GRB2: variants seen among roughly 807,000 people sequenced by gnomAD.
GRB2 encodes the protein growth factor receptor bound protein 2, also known as growth factor receptor-bound protein 2.
GRB2 carries 2 observed loss-of-function variants against 27.4 expected under a neutral mutation model. The ratio of observed to expected loss-of-function variants is 0.07; its 90% CI spans 0.03 to 0.23. The LOEUF is 0.23. GRB2 is among the 10% of genes least tolerant of loss of function. GRB2 has a pLI of 1.00. For synonymous variants in GRB2, 94 were observed against 99.6 expected (o/e 0.94, Z 0.33); for missense variants, 102 against 282.4 (o/e 0.36, Z 4.58).
chr17:75,354,681 C>T (rs2078719277), intron 2 of GRB2, among the ~76,000 whole-genome samples: 1 of 152,118 alleles, frequency 6.6e-6, no homozygotes, highest in Non-Finnish European at 1.5e-5. Flanking sequence ...TCAAGAATTG[C>T]TGGAAGAGCC....
chr17:75,375,043 G>C (rs1052224716), intron 2 of GRB2, among the ~76,000 whole-genome samples: 2 of 151,904 alleles, frequency 1.3e-5, no homozygotes, highest in South Asian at 2.1e-4. Flanking sequence ...CTGCAGATGT[G>C]TGCCACCACG....
intron 2 of GRB2, among the ~76,000 whole-genome samples, chr17:75,381,126 A>T (rs967366890): frequency 3.9e-5 from 6 of 152,232 alleles, no homozygotes; most frequent in Non-Finnish European, 1.5e-5. Flanking sequence ...TAATTAAGTC[A>T]ATTACAGAAC....
chr17:75,332,720 G>A lies in GRB2; in HGVS notation c.156C>T (p.Tyr52=). 6.2e-7 allele frequency: 1 copy of A among 1,606,686 alleles called. No homozygotes were observed. Among genetic ancestry groups the A allele is most frequent in the Non-Finnish European group, 8.5e-7 (1 of 1,173,922 alleles). Residue 52 remains tyrosine (Y), a synonymous_variant, in exon 3 of 6, where the codon TAC becomes TAT. Transcript: ENST00000316804. ...CTTACGGATGTGGTTTCATTTCTAT[G>A]TAGTTCTTGGGAATGAAGCCGTCTT... is the stretch of plus-strand genomic sequence containing the variant. ...NGKDGFIPKN[Y]IEMKPHPWFF...
chr17:75,359,600 C>G (rs2078765656), intron 2 of GRB2, among the ~76,000 whole-genome samples: 1 of 152,050 alleles, frequency 6.6e-6, no homozygotes, highest in Admixed American at 6.6e-5. Flanking sequence ...CAGACCTTGC[C>G]TAACTCCCCA....
In GRB2 at chr17:75,390,722, C is replaced by G. The variant is rs186503147; in HGVS notation, c.78+2829G>C. ...GGGTCTGCTGGAGGAGAGGAGTCACCATTTTTAACTAAAAGTTAACCAGGA... is the reference window on the plus strand; with the variant it reads ...GGGTCTGCTGGAGGAGAGGAGTCACGATTTTTAACTAAAAGTTAACCAGGA... On this transcript the variant is annotated intron_variant, in intron 2 of 5. Transcript: ENST00000316804. Among the ~76,000 whole-genome samples the G allele has an allele frequency of 3.4e-3, 511 of 152,206 alleles. 7 individuals are homozygous for G. Among genetic ancestry groups the G allele is most frequent in the African/African-American group, 0.012 (501 of 41,532 alleles).
intron 2 of GRB2, among the ~76,000 whole-genome samples, chr17:75,366,413 T>C (rs1319789668): frequency 6.6e-6 from 1 of 151,054 alleles, no homozygotes; most frequent in Non-Finnish European, 1.5e-5. Flanking sequence ...ACAGGAATAG[T>C]GGTTCACACC....
chr17:75,346,099 G>A (rs975292815), intron 2 of GRB2, among the ~76,000 whole-genome samples: 3 of 151,924 alleles, frequency 2.0e-5, no homozygotes, highest in Non-Finnish European at 1.5e-5. Flanking sequence ...AGGTATTTCT[G>A]GAGGTAGAAT....
intron 2 of GRB2, among the ~76,000 whole-genome samples, chr17:75,354,271 G>GGTT (rs56309518): frequency 3.5e-5 from 1 of 28,392 alleles, no homozygotes; most frequent in Admixed American, 8.5e-4. Flanking sequence ...TTTTGGGGGG[G>GGTT]GGGGGGAGAT....
In GRB2 at chr17:75,355,730, T is replaced by C. The variant is rs146113622; in HGVS notation, c.79-22933A>G. Among the ~76,000 whole-genome samples the C allele has an allele frequency of 1.2e-4, 18 of 152,096 alleles. 1 individual carries two copies. The East Asian group carries it at 2.9e-3, about 24-fold the overall frequency. On this transcript the variant is annotated intron_variant, in intron 2 of 5. Transcript: ENST00000316804. ...CTGCGGGCTGTGGGGCTGGACAAGT[T>C]TGACCTAAGTTATTTGCTCTGTCAC...
intron 3 of GRB2, chr17:75,326,255 G>T: frequency 1.9e-6 from 1 of 534,554 alleles, no homozygotes; most frequent in Non-Finnish European, 3.4e-6. Context: ...ACTAACCGTG[G>T]GTCACTCTTT....
At chr17:75,331,073 C>T (rs2078538170) in intron 3 of GRB2, among the ~76,000 whole-genome samples, 1 of 152,198 alleles carries the variant, frequency 6.6e-6, no homozygotes, top group Admixed American at 6.5e-5. Flanking sequence ...AGGCCTGGTA[C>T]TGACCCTGAC....
intron 1 of GRB2, among the ~76,000 whole-genome samples, chr17:75,401,288 A>C (rs1236506858): frequency 1.3e-5 from 2 of 151,658 alleles, no homozygotes; most frequent in African/African-American, 4.8e-5. Context: ...TACTAAAAAT[A>C]CAAAAAATTA....
chr17:75,376,149 C>G (rs1388588850), intron 2 of GRB2, among the ~76,000 whole-genome samples: 2 of 151,468 alleles, frequency 1.3e-5, no homozygotes, highest in Non-Finnish European at 2.9e-5. Context: ...TTGAGACCAG[C>G]CTAGGCAACA....
At chr17:75,401,257 A>G (rs997453076) in intron 1 of GRB2, among the ~76,000 whole-genome samples, 1 of 151,732 alleles carries the variant, frequency 6.6e-6, no homozygotes, top group African/African-American at 2.4e-5. Context: ...CATCCTGGCT[A>G]ACAAGGTGAA....
chr17:75,354,655 T>C (rs570296638), intron 2 of GRB2, among the ~76,000 whole-genome samples: 83 of 152,140 alleles, frequency 5.5e-4, no homozygotes, highest in Non-Finnish European at 1.1e-3. Context: ...AGCAAAAAGG[T>C]TGGGGACTGC....
At chr17:75,338,810 T>C (rs77645366) in intron 2 of GRB2, 44,359 of 748,906 alleles carry the variant, frequency 0.059, 1,673 homozygotes, top group Middle Eastern at 0.12. Flanking sequence ...CTTTCTGTGC[T>C]GATAGCACTC....
chr17:75,397,107 T>C (rs904215437), intron 1 of GRB2, among the ~76,000 whole-genome samples: 2 of 152,156 alleles, frequency 1.3e-5, no homozygotes, highest in African/African-American at 4.8e-5. Context: ...GATGCAGAGT[T>C]TGACAGAAAA....
intron 4 of GRB2, among the ~76,000 whole-genome samples, chr17:75,325,631 G>A (rs1037950193): frequency 2.6e-5 from 4 of 152,216 alleles, no homozygotes; most frequent in Admixed American, 6.5e-5. Context: ...CAGGAGTGCT[G>A]GGCACTAGGG....
intron 2 of GRB2, among the ~76,000 whole-genome samples, chr17:75,380,143 G>C (rs1199069886): frequency 6.6e-6 from 1 of 152,028 alleles, no homozygotes; most frequent in Non-Finnish European, 1.5e-5. Context: ...ACAGGTGGAA[G>C]ATGATGTACT....
Sources: gnomAD v4.1 joint callset for allele counts (sites outside exome capture counted in the v4.1 genomes callset) on GRCh38, gnomAD v4.1.1 for gene constraint, MANE v1.5 for transcripts, NCBI Gene and HGNC (gene_info 2026-07-23, HGNC 2026-07-21) for gene names.